Variants in EPB41L4A observed in about 807,000 individuals in gnomAD.
EPB41L4A encodes band 4.1-like protein 4A.
In EPB41L4A, 100 loss-of-function variants were observed where a neutral mutation model predicts 108.6. The ratio of observed to expected loss-of-function variants is 0.92; its 90% CI spans 0.78 to 1.09. The LOEUF is 1.09. Among genes scored for constraint, EPB41L4A ranks in the 50% least tolerant of loss-of-function variants. The pLI is 0.00. For synonymous variants in EPB41L4A, 319 were observed against 289.0 expected, an observed-to-expected ratio of 1.10 and a Z score of -1.05; for missense variants, 1,030 against 842.7, an observed-to-expected ratio of 1.22 and a Z score of -2.75.
At position 112,224,302 on chromosome 5, in the gene EPB41L4A, G is replaced by A. The variant is rs557799202; in HGVS notation, c.1087+10332C>T. On this transcript the variant is annotated intron_variant, in intron 12 of 22. Coordinates refer to ENST00000261486, the MANE Select transcript of EPB41L4A (RefSeq NM_022140.5). ...GGTTTTTCCAAACACAAAAAGTACT[G>A]TGTATTTCCAATGGCAAAACTACAT... Among the ~76,000 whole-genome samples the A allele has an allele frequency of 7.2e-5, 11 of 152,094 alleles. No homozygotes were observed. The South Asian group carries it at 2.3e-3, about 32-fold the overall frequency.
At chr5:112,160,958 C>G (rs1371660694), downstream of EPB41L4A, 2 of 156,370 alleles carry the variant, frequency 1.3e-5, no homozygotes, top group South Asian at 2.0e-4. Context: ...CACGCAGGGG[C>G]GCCGGGCGGG....
chr5:112,160,884 A>G (rs190479616), downstream of EPB41L4A: 97 of 156,280 alleles, frequency 6.2e-4, no homozygotes, highest in East Asian at 9.8e-3. Flanking sequence ...TTTTGGTGCG[A>G]GCTTGCTGTG....
chr5:112,204,478 T>C lies in EPB41L4A; in HGVS notation c.1273A>G (p.Asn425Asp), dbSNP rs772860401. ...GACTTAGTGCGATCACTGGGAGAAT[T>C]GTAGAGTCCACTGGAGAGAAAGAAA... is the stretch of plus-strand genomic sequence containing the variant. ...EENGPQSGLY[N>D]SPSDRTKSPK... The change falls in exon 15 of 23, where the codon AAT becomes GAT. Residue 425 changes from asparagine to aspartate, a missense_variant. Coordinates refer to ENST00000261486, the MANE Select transcript of EPB41L4A (RefSeq NM_022140.5). The C allele has an allele frequency of 1.2e-6, 2 of 1,611,190 alleles. No homozygotes were observed. Among genetic ancestry groups the C allele is most frequent in the South Asian group, 1.1e-5 (1 of 91,018 alleles).
chr5:112,414,271 G>A (rs1259079353), intron 1 of EPB41L4A, among the ~76,000 whole-genome samples: 1 of 151,988 alleles, frequency 6.6e-6, no homozygotes, highest in African/African-American at 2.4e-5. Flanking sequence ...TCCAAAAGAG[G>A]GGGAAAAAAG....
intron 2 of EPB41L4A, among the ~76,000 whole-genome samples, chr5:112,286,318 A>T (rs548598124): frequency 2.6e-5 from 4 of 152,174 alleles, no homozygotes; most frequent in Non-Finnish European, 5.9e-5. Flanking sequence ...GCACCCAAGG[A>T]GCTGAACATA....
At chr5:112,372,625 G>A (rs1418667844) in intron 1 of EPB41L4A, among the ~76,000 whole-genome samples, 1 of 152,134 alleles carries the variant, frequency 6.6e-6, no homozygotes, top group African/African-American at 2.4e-5. Context: ...TGGGTGGAGG[G>A]GAAAGTGGTC....
At chr5:112,405,587 A>C (rs1305604777) in intron 1 of EPB41L4A, among the ~76,000 whole-genome samples, 1 of 152,186 alleles carries the variant, frequency 6.6e-6, no homozygotes, top group Admixed American at 6.5e-5. Flanking sequence ...TGGGGATGCT[A>C]TATAATACAT....
rs201688637 is a variant in EPB41L4A at position 112,164,427 on chromosome 5, G to A, written c.*563C>T. ...AGATGCATCTGGTCTTGGTTGTGGT[G>A]GACACAGACACAAGATAGAAATGAA... On this transcript the variant is annotated 3_prime_UTR_variant, in exon 23 of 23. Coordinates refer to ENST00000261486, the MANE Select transcript of EPB41L4A (RefSeq NM_022140.5). 6.6e-6 allele frequency: 1 copy of A among 152,216 alleles called. No individual in the cohort carries two copies. The highest frequency in any genetic ancestry group is 1.9e-4 in the East Asian group (1 of 5,178). 9.4% of individuals were successfully genotyped at this position (152,216 alleles called of 1,614,324 possible).
At chr5:112,339,468 A>AAATATCTATATAGATATATC (rs1561584809) in intron 1 of EPB41L4A, among the ~76,000 whole-genome samples, 12 of 48,288 alleles carry the variant, frequency 2.5e-4, no homozygotes, top group African/African-American at 6.7e-4. Flanking sequence ...ATAGATATAT[A>AAATATCTATATAGATATATC]TATATCTATA....
intron 17 of EPB41L4A, among the ~76,000 whole-genome samples, chr5:112,189,208 A>T (rs1196958333): frequency 1.3e-5 from 2 of 152,192 alleles, no homozygotes; most frequent in Non-Finnish European, 2.9e-5. Context: ...CATTTTACAG[A>T]TCCTGCAGGA....
intron 12 of EPB41L4A, among the ~76,000 whole-genome samples, chr5:112,156,167 C>A (rs1759639486): frequency 6.6e-6 from 1 of 151,776 alleles, no homozygotes; most frequent in Admixed American, 6.6e-5. Context: ...TAATAAAATT[C>A]AACATTCATT....
chr5:112,183,213 C>T (rs1761247317), intron 18 of EPB41L4A: 1 of 152,374 alleles, frequency 6.6e-6, no homozygotes, highest in African/African-American at 2.4e-5. Flanking sequence ...AGCTCCCTAC[C>T]TACCTACCCA....
At chr5:112,358,045 ACTT>A (rs1758476747) in intron 1 of EPB41L4A, among the ~76,000 whole-genome samples, 1 of 152,062 alleles carries the variant, frequency 6.6e-6, no homozygotes, top group Admixed American at 6.5e-5. Context: ...TCAGCAAAGG[ACTT>A]CTTCTCATGA....
chr5:112,233,114 T>G (rs1749073461), intron 12 of EPB41L4A, among the ~76,000 whole-genome samples: 1 of 151,988 alleles, frequency 6.6e-6, no homozygotes, highest in African/African-American at 2.4e-5. Context: ...ACAAGAATAC[T>G]CACAGCAAGA....
In EPB41L4A at chr5:112,184,050, G is replaced by A. The variant is rs892879932; in HGVS notation, c.1588C>T (p.Pro530Ser). ...CTGTGTCTGGATCGCCTGTTGTTGGGGTCGGCTTGGTTTTTTTCCTTTTGT... is the reference window on the plus strand; with the variant it reads ...CTGTGTCTGGATCGCCTGTTGTTGGAGTCGGCTTGGTTTTTTTCCTTTTGT... ...RRQKEKNQAD[P>S]NNRRSRHRSR... The change falls in exon 18 of 23, where the codon CCC becomes TCC. Residue 530 changes from proline (P) to serine (S), a missense_variant. Physicochemically the swap from Pro to Ser is moderately conservative, Grantham distance 74. Coordinates refer to ENST00000261486, the MANE Select transcript of EPB41L4A (RefSeq NM_022140.5). The A allele has an allele frequency of 2.7e-5, 43 of 1,613,858 alleles. No individual in the cohort carries two copies. The highest frequency in any genetic ancestry group is 3.4e-5 in the Non-Finnish European group (40 of 1,179,942).
At chr5:112,197,675 T>C (rs1762029254) in intron 15 of EPB41L4A, among the ~76,000 whole-genome samples, 1 of 152,194 alleles carries the variant, frequency 6.6e-6, no homozygotes, top group African/African-American at 2.4e-5. Flanking sequence ...AATCTGCAAG[T>C]TCCATTTATC....
rs1159953791 is a variant in EPB41L4A, at chr5:112,247,114, A to G, written c.796-6304T>C. On this transcript the variant is annotated intron_variant, in intron 9 of 22. Coordinates refer to ENST00000261486, the MANE Select transcript of EPB41L4A (RefSeq NM_022140.5). ...CGCCTAACGACTTGTTTCTCAGAAC[A>G]TATCCCTGTCATTGACACATGATTG... Among the ~76,000 whole-genome samples the G allele has an allele frequency of 2.0e-5, 3 of 151,848 alleles. No homozygotes were observed. The East Asian group carries it at 6.0e-4, about 31-fold the overall frequency.
At chr5:112,353,972 AT>A (rs34634501) in intron 1 of EPB41L4A, among the ~76,000 whole-genome samples, 1 of 152,204 alleles carries the variant, frequency 6.6e-6, no homozygotes, top group Non-Finnish European at 1.5e-5. Flanking sequence ...GGGCATCAGC[AT>A]TTTTTAAAGT....
chr5:112,359,530 T>C (rs932634343), intron 1 of EPB41L4A, among the ~76,000 whole-genome samples: 15 of 149,302 alleles, frequency 1.0e-4, no homozygotes, highest in Non-Finnish European at 2.1e-4. Flanking sequence ...AGAAGAAATA[T>C]CCTTGAAAGT....
Sources: gnomAD v4.1 joint callset for allele counts (sites outside exome capture counted in the v4.1 genomes callset) on GRCh38, gnomAD v4.1.1 for gene constraint, MANE v1.5 for transcripts, NCBI Gene and HGNC (gene_info 2026-07-23, HGNC 2026-07-21) for gene names.